The following TAFA2 variants were observed in gnomAD, a reference collection of about 807,000 sequenced individuals.
TAFA2 encodes chemokine-like protein TAFA-2.
TAFA2 carries 7 observed loss-of-function variants against 18.8 expected under a neutral mutation model. The ratio of observed to expected loss-of-function variants is 0.37; its 90% CI spans 0.21 to 0.70. TAFA2 has a LOEUF of 0.70. TAFA2 is among the 30% of genes least tolerant of loss of function. The pLI, the probability that TAFA2 is intolerant of heterozygous loss-of-function variation, is 0.53. For missense variants in TAFA2, 122 were observed against 158.1 expected (o/e 0.77, Z 1.23); for synonymous variants, 60 against 54.2 (o/e 1.11, Z -0.47).
intron 1 of TAFA2, among the ~76,000 whole-genome samples, chr12:61,997,279 G>A (rs1880229425): frequency 6.6e-6 from 1 of 151,852 alleles, no homozygotes. Context: ...TATGATCAGA[G>A]AAGGGTTCTA....
At chr12:62,187,374 C>T (rs573640660) in intron 1 of TAFA2, among the ~76,000 whole-genome samples, 86 of 152,034 alleles carry the variant, frequency 5.7e-4, no homozygotes, top group Non-Finnish European at 9.7e-4. Flanking sequence ...TACTGCAAGT[C>T]AAATCATGGA....
At chr12:61,902,549 G>A (rs1331312385) in intron 1 of TAFA2, among the ~76,000 whole-genome samples, 1 of 152,022 alleles carries the variant, frequency 6.6e-6, no homozygotes, top group Non-Finnish European at 1.5e-5. Flanking sequence ...TGCCTTACTG[G>A]CCTCTCACTG....
intron 1 of TAFA2, among the ~76,000 whole-genome samples, chr12:62,077,700 T>C (rs79265437): frequency 0.024 from 3,643 of 152,306 alleles, 148 homozygotes; most frequent in African/African-American, 0.082. Context: ...CTAATCAGTA[T>C]TTTCCAGTAT....
intron 1 of TAFA2, among the ~76,000 whole-genome samples, chr12:62,004,111 C>T (rs1360677505): frequency 6.6e-6 from 1 of 151,900 alleles, no homozygotes; most frequent in Non-Finnish European, 1.5e-5. Context: ...AAAATCATTA[C>T]AATATTAAGC....
intron 1 of TAFA2, among the ~76,000 whole-genome samples, chr12:62,081,631 C>T (rs946294566): frequency 7.9e-5 from 12 of 151,974 alleles, no homozygotes; most frequent in Non-Finnish European, 1.6e-4. Context: ...ACAACAGGAG[C>T]CCGCCACCAC....
intron 1 of TAFA2, among the ~76,000 whole-genome samples, chr12:62,226,194 C>CT (rs148187631): frequency 0.025 from 3,316 of 134,584 alleles, 131 homozygotes; most frequent in African/African-American, 0.082. Flanking sequence ...CTTGATTACT[C>CT]TTTTTTTTTT....
At chr12:61,819,790 C>T (rs1872244682) in intron 2 of TAFA2, among the ~76,000 whole-genome samples, 1 of 152,072 alleles carries the variant, frequency 6.6e-6, no homozygotes, top group Non-Finnish European at 1.5e-5. Flanking sequence ...TGAATTGATA[C>T]TGAGAATATG....
At chr12:61,937,230 C>G (rs889645649) in intron 1 of TAFA2, among the ~76,000 whole-genome samples, 2 of 152,064 alleles carry the variant, frequency 1.3e-5, no homozygotes, top group African/African-American at 4.8e-5. Flanking sequence ...CCATACTGTT[C>G]AAAGCAACCT....
intron 2 of TAFA2, among the ~76,000 whole-genome samples, chr12:61,857,885 A>G (rs1873952300): frequency 6.6e-6 from 1 of 152,190 alleles, no homozygotes; most frequent in Non-Finnish European, 1.5e-5. Flanking sequence ...AGAAAGACCC[A>G]GGGGAAAAAA....
chr12:61,764,331 G>A (rs1869695302), intron 2 of TAFA2, among the ~76,000 whole-genome samples: 1 of 151,984 alleles, frequency 6.6e-6, no homozygotes, highest in Non-Finnish European at 1.5e-5. Flanking sequence ...TAAAGAAATA[G>A]AACATCCCCA....
At chr12:61,730,364 G>A (rs1870383455) in intron 4 of TAFA2, among the ~76,000 whole-genome samples, 1 of 152,100 alleles carries the variant, frequency 6.6e-6, no homozygotes, top group African/African-American at 2.4e-5. Context: ...AGGAGGTGGT[G>A]GTTTCAAGAG....
intron 1 of TAFA2, among the ~76,000 whole-genome samples, chr12:61,933,311 A>T (rs80276132): frequency 0.068 from 10,406 of 152,190 alleles, 468 homozygotes; most frequent in Non-Finnish European, 0.1. Context: ...TATAGTTTCC[A>T]CCTTTATGTA....
chr12:61,739,704 G>T (rs561547258), intron 4 of TAFA2, among the ~76,000 whole-genome samples: 1 of 152,094 alleles, frequency 6.6e-6, no homozygotes, highest in Non-Finnish European at 1.5e-5. Context: ...GAGGCAGAGT[G>T]CTCTCAACAA....
intron 1 of TAFA2, among the ~76,000 whole-genome samples, chr12:61,915,332 G>A (rs1328600102): frequency 2.0e-5 from 3 of 152,124 alleles, no homozygotes; most frequent in Admixed American, 6.6e-5. Flanking sequence ...CCACCAAGGG[G>A]CCATCCCATA....
intron 1 of TAFA2, among the ~76,000 whole-genome samples, chr12:61,887,708 GT>G (rs1415360531): frequency 2.7e-5 from 4 of 150,096 alleles, no homozygotes; most frequent in Non-Finnish European, 4.4e-5. Flanking sequence ...TCTTGCGATA[GT>G]TTACTGAGAA....
intron 1 of TAFA2, among the ~76,000 whole-genome samples, chr12:62,034,891 A>G (rs949282164): frequency 2.6e-5 from 4 of 152,204 alleles, no homozygotes; most frequent in Admixed American, 6.5e-5. Context: ...ATGTAAAAAT[A>G]CAGTAGAAAT....
At chr12:61,949,853 G>A (rs1008884318) in intron 1 of TAFA2, among the ~76,000 whole-genome samples, 9 of 152,096 alleles carry the variant, frequency 5.9e-5, no homozygotes, top group African/African-American at 2.2e-4. Flanking sequence ...ACATTGTTGT[G>A]ACATAGATCT....
chr12:62,104,506 C>G (rs1329330068), intron 1 of TAFA2, among the ~76,000 whole-genome samples: 1 of 152,086 alleles, frequency 6.6e-6, no homozygotes, highest in African/African-American at 2.4e-5. Context: ...GAAATCTTAT[C>G]CATAAAAGTA....
intron 2 of TAFA2, among the ~76,000 whole-genome samples, chr12:61,773,813 G>C (rs1870137571): frequency 6.6e-6 from 1 of 151,798 alleles, no homozygotes; most frequent in African/African-American, 2.4e-5. Context: ...TCATGACCAA[G>C]AACCAAAATT....
Sources: gnomAD v4.1 joint callset for allele counts (sites outside exome capture counted in the v4.1 genomes callset) on GRCh38, gnomAD v4.1.1 for gene constraint, MANE v1.5 for transcripts, NCBI Gene and HGNC (gene_info 2026-07-23, HGNC 2026-07-21) for gene names.